KCNAB1: variants seen among roughly 807,000 people sequenced by gnomAD.
KCNAB1 encodes the protein potassium voltage-gated channel subfamily A regulatory beta subunit 1, also known as voltage-gated potassium channel subunit beta-1.
A neutral mutation model predicts 64.6 loss-of-function variants in KCNAB1; 35 were observed. The observed-to-expected ratio is 0.54, with a 90% confidence interval of 0.41 to 0.72. The LOEUF is 0.72. Ranked by LOEUF, KCNAB1 falls within the 30% of genes least tolerant of loss-of-function variation. The pLI, the probability that KCNAB1 is intolerant of heterozygous loss-of-function variation, is 0.00. For synonymous variants in KCNAB1, 177 were observed against 183.8 expected, an observed-to-expected ratio of 0.96 and a Z score of 0.30; for missense variants, 401 against 512.9, an observed-to-expected ratio of 0.78 and a Z score of 2.11.
At chr3:156,148,824 A>G (rs1410216205) in intron 1 of KCNAB1, among the ~76,000 whole-genome samples, 1 of 149,718 alleles carries the variant, frequency 6.7e-6, no homozygotes, top group African/African-American at 2.5e-5. Context: ...TGAACATATC[A>G]CCCTCCTTTC....
At chr3:156,229,431 T>A (rs1016666777) in intron 1 of KCNAB1, among the ~76,000 whole-genome samples, 3 of 152,130 alleles carry the variant, frequency 2.0e-5, no homozygotes, top group Admixed American at 6.5e-5. Context: ...AGGCCCCTCC[T>A]CCAACCTTGG....
intron 1 of KCNAB1, among the ~76,000 whole-genome samples, chr3:156,371,082 C>T (rs1726273031): frequency 6.6e-6 from 1 of 152,198 alleles, no homozygotes; most frequent in Non-Finnish European, 1.5e-5. Flanking sequence ...GCATTGGCCA[C>T]TTCCAGATTT....
At chr3:156,453,148 A>G (rs1056549129) in intron 3 of KCNAB1, 1 of 397,280 alleles carries the variant, frequency 2.5e-6, no homozygotes, top group Non-Finnish European at 4.5e-6. Flanking sequence ...GCTGTACATT[A>G]TATATGCAGG....
intron 1 of KCNAB1, among the ~76,000 whole-genome samples, chr3:156,191,940 C>T (rs1433915421): frequency 6.6e-6 from 1 of 152,172 alleles, no homozygotes; most frequent in Non-Finnish European, 1.5e-5. Context: ...TTACTGTTGG[C>T]TAATACCTAA....
intron 1 of KCNAB1, among the ~76,000 whole-genome samples, chr3:156,171,068 A>T (rs1450774654): frequency 6.6e-6 from 1 of 152,058 alleles, no homozygotes; most frequent in African/African-American, 2.4e-5. Context: ...CTTTTACCCA[A>T]TTATGTATGT....
chr3:156,416,113 T>A (rs757678320), intron 1 of KCNAB1, among the ~76,000 whole-genome samples: 4 of 152,168 alleles, frequency 2.6e-5, no homozygotes, highest in Admixed American at 6.5e-5. Flanking sequence ...ATCTTCCCCA[T>A]CCTCTCCACT....
At chr3:156,262,883 T>C (rs1718505363) in intron 1 of KCNAB1, among the ~76,000 whole-genome samples, 1 of 151,886 alleles carries the variant, frequency 6.6e-6, no homozygotes. Flanking sequence ...TTGAGTCAGT[T>C]TTGGTAATTT....
chr3:156,483,058 G>A (rs1277536140), intron 8 of KCNAB1, among the ~76,000 whole-genome samples: 4 of 152,072 alleles, frequency 2.6e-5, no homozygotes, highest in Non-Finnish European at 5.9e-5. Context: ...TAGAATTCAC[G>A]CAGGAGAAAG....
intron 1 of KCNAB1, among the ~76,000 whole-genome samples, chr3:156,300,152 G>C (rs1442566636): frequency 6.6e-6 from 1 of 152,158 alleles, no homozygotes; most frequent in Non-Finnish European, 1.5e-5. Flanking sequence ...TCTCATCCCA[G>C]CACCTGTTCA....
chr3:156,239,126 T>C (rs565811062), intron 1 of KCNAB1, among the ~76,000 whole-genome samples: 1 of 152,342 alleles, frequency 6.6e-6, no homozygotes, highest in African/African-American at 2.4e-5. Context: ...CTCTTGAAGG[T>C]ACACACTATT....
chr3:156,141,349 C>T (rs1220375492), intron 1 of KCNAB1, among the ~76,000 whole-genome samples: 2 of 152,182 alleles, frequency 1.3e-5, no homozygotes, highest in South Asian at 2.1e-4. Flanking sequence ...CAAGACACAA[C>T]AGTTCCATTA....
intron 10 of KCNAB1, 94 bp downstream of exon 10, chr3:156,515,314 C>T (rs1717484048): frequency 1.8e-6 from 2 of 1,094,096 alleles, no homozygotes; most frequent in East Asian, 2.6e-5. Context: ...GAAATGCTTT[C>T]CTAAATGTCC....
At position 156,508,522 on chromosome 3, in the gene KCNAB1, C is replaced by T. The variant is rs147002868; in HGVS notation, c.659-5842C>T. 2.0e-5 allele frequency among the ~76,000 whole-genome samples: 3 copies of T among 152,296 alleles called. No homozygotes were observed. The highest frequency in any genetic ancestry group is 3.8e-4 in the East Asian group (2 of 5,196). On this transcript the variant is annotated intron_variant, in intron 8 of 13. Transcript: ENST00000490337. This position sits in a 1 kb window ranked among gnomAD's most constrained non-coding sequence, Gnocchi z 4.1. ...CAAATAGTTGTATTAATTTCTTTGA[C>T]ATAAAATGCATATTTTTTAAAACAT...
chr3:156,188,578 T>C (rs1713355676), intron 1 of KCNAB1, among the ~76,000 whole-genome samples: 1 of 152,214 alleles, frequency 6.6e-6, no homozygotes, highest in African/African-American at 2.4e-5. Context: ...AATCCTGTCA[T>C]AGGTTTTGAA....
chr3:156,476,885 C>T (rs1295566817), intron 8 of KCNAB1, among the ~76,000 whole-genome samples: 1 of 152,116 alleles, frequency 6.6e-6, no homozygotes, highest in Non-Finnish European at 1.5e-5. Context: ...GGAATTGCTT[C>T]ACATTTTAAG....
chr3:156,158,056 T>G (rs1715828982), intron 1 of KCNAB1, among the ~76,000 whole-genome samples: 1 of 150,566 alleles, frequency 6.6e-6, no homozygotes, highest in African/African-American at 2.4e-5. Flanking sequence ...TCCCAGCTAC[T>G]GGGAAGGCTG....
intron 1 of KCNAB1, among the ~76,000 whole-genome samples, chr3:156,287,816 C>T (rs551272849): frequency 5.0e-4 from 75 of 150,864 alleles, no homozygotes; most frequent in African/African-American, 1.7e-3. Flanking sequence ...AAAAAAAACT[C>T]GAAATACAAC....
chr3:156,514,633 A>G (rs1356341749), intron 9 of KCNAB1, among the ~76,000 whole-genome samples, 184 bp downstream of exon 9: 1 of 152,246 alleles, frequency 6.6e-6, no homozygotes, highest in African/African-American at 2.4e-5. Flanking sequence ...TCAGAATACA[A>G]CAGAGAATAC....
At chr3:156,175,174 C>T (rs910893461) in intron 1 of KCNAB1, among the ~76,000 whole-genome samples, 1 of 151,350 alleles carries the variant, frequency 6.6e-6, no homozygotes, top group African/African-American at 2.4e-5. Context: ...GCTTTTAATA[C>T]AAATGTTTTT....
Sources: gnomAD v4.1 joint callset for allele counts (sites outside exome capture counted in the v4.1 genomes callset) on GRCh38, gnomAD v4.1.1 for gene constraint, Gnocchi (gnomAD v3.1) non-coding constraint, MANE v1.5 for transcripts, NCBI Gene and HGNC (gene_info 2026-07-23, HGNC 2026-07-21) for gene names.